The following CATSPERT variants were observed in gnomAD, a reference collection of about 807,000 sequenced individuals.
CATSPERT encodes the protein catsper channel auxiliary subunit tau.
At chr2:201,604,578 T>G in the CATSPERT span, 2 of 1,352,006 alleles carry the variant, frequency 1.5e-6, no homozygotes, top group Non-Finnish European at 2.0e-6. Context: ...AATAAATAAC[T>G]TATACAGGTT....
the CATSPERT span, chr2:201,495,803 A>G: frequency 1.3e-6 from 1 of 793,718 alleles, no homozygotes; most frequent in Non-Finnish European, 1.9e-6. Context: ...GGTGTTTCTA[A>G]TGAGTAGCTT....
At chr2:201,536,528 A>G in the CATSPERT span, among the ~76,000 whole-genome samples, 32 of 151,936 alleles carry the variant, frequency 2.1e-4, no homozygotes, top group Admixed American at 5.9e-4. Flanking sequence ...TATCCATAAA[A>G]ATGATAAAGC....
the CATSPERT span, among the ~76,000 whole-genome samples, chr2:201,570,018 C>T: frequency 6.6e-6 from 1 of 151,906 alleles, no homozygotes; most frequent in East Asian, 1.9e-4. Context: ...CCTGTCTCTA[C>T]AAAAAATACA....
chr2:201,571,847 TA>T, the CATSPERT span: 2 of 1,182,570 alleles, frequency 1.7e-6, no homozygotes, highest in Non-Finnish European at 2.5e-6. Context: ...GGGGACTTCT[TA>T]AAATAACTCC....
chr2:201,495,055 C>G, the CATSPERT span, among the ~76,000 whole-genome samples: 1 of 152,082 alleles, frequency 6.6e-6, no homozygotes, highest in East Asian at 1.9e-4. Context: ...TTTTTAACAA[C>G]GCAATTTCTG....
chr2:201,610,609 C>A, the CATSPERT span, among the ~76,000 whole-genome samples: 1 of 152,178 alleles, frequency 6.6e-6, no homozygotes, highest in African/African-American at 2.4e-5. Flanking sequence ...CTGACACATT[C>A]TTTGAGGCCA....
chr2:201,528,747 G>T, the CATSPERT span, among the ~76,000 whole-genome samples: 2 of 151,878 alleles, frequency 1.3e-5, no homozygotes, highest in Non-Finnish European at 1.5e-5. Context: ...CAGATACCAG[G>T]GCCTACTTGA....
At chr2:201,493,593 T>C in the CATSPERT span, 1 of 1,537,128 alleles carries the variant, frequency 6.5e-7, no homozygotes, top group Non-Finnish European at 8.7e-7. Flanking sequence ...GCAATTCTAT[T>C]TCATCAGCAT....
the CATSPERT span, among the ~76,000 whole-genome samples, chr2:201,618,453 C>G: frequency 6.6e-6 from 1 of 151,020 alleles, no homozygotes; most frequent in African/African-American, 2.4e-5. Context: ...AGCAAACTAT[C>G]GCAAGGACAG....
At chr2:201,570,611 C>T in the CATSPERT span, among the ~76,000 whole-genome samples, 4 of 152,172 alleles carry the variant, frequency 2.6e-5, no homozygotes, top group Middle Eastern at 3.4e-3. Context: ...GTAACTTGCC[C>T]AAGGTCATAT....
the CATSPERT span, among the ~76,000 whole-genome samples, chr2:201,579,316 T>A: frequency 6.6e-6 from 1 of 152,136 alleles, no homozygotes; most frequent in Non-Finnish European, 1.5e-5. Flanking sequence ...CATGGCTCAC[T>A]GCAGCCTCGA....
the CATSPERT span, chr2:201,493,585 A>G: frequency 6.5e-7 from 1 of 1,537,088 alleles, no homozygotes. Flanking sequence ...GGGCTGTGGC[A>G]ATTCTATTTC....
At chr2:201,598,254 C>T in the CATSPERT span, among the ~76,000 whole-genome samples, 5 of 152,074 alleles carry the variant, frequency 3.3e-5, no homozygotes, top group Non-Finnish European at 7.4e-5. Flanking sequence ...GTACATGCCA[C>T]CACACCCAGT....
At chr2:201,610,375 G>A in the CATSPERT span, among the ~76,000 whole-genome samples, 4 of 151,722 alleles carry the variant, frequency 2.6e-5, no homozygotes, top group South Asian at 2.1e-4. Context: ...GGAGAATGGC[G>A]TGAACCTGGG....
chr2:201,573,265 G>A, the CATSPERT span, among the ~76,000 whole-genome samples: 1 of 152,182 alleles, frequency 6.6e-6, no homozygotes, highest in Non-Finnish European at 1.5e-5. Flanking sequence ...GTGGACCTAT[G>A]GTAGTGAATT....
the CATSPERT span, among the ~76,000 whole-genome samples, chr2:201,531,913 A>G: frequency 1.2e-3 from 188 of 152,340 alleles, no homozygotes; most frequent in Non-Finnish European, 2.2e-3. Context: ...TACTGATCAG[A>G]GGAGTGACAT....
the CATSPERT span, chr2:201,603,384 G>C: frequency 1.2e-6 from 1 of 867,846 alleles, no homozygotes; most frequent in African/African-American, 1.7e-5. Context: ...CACGTTGTTG[G>C]TTTTTCTCAT....
At chr2:201,513,142 A>T in the CATSPERT span, among the ~76,000 whole-genome samples, 3 of 151,966 alleles carry the variant, frequency 2.0e-5, no homozygotes, top group Admixed American at 2.0e-4. Flanking sequence ...TCAACAGAGT[A>T]AACAGACAAC....
chr2:201,610,235 A>G, the CATSPERT span, among the ~76,000 whole-genome samples: 2 of 152,266 alleles, frequency 1.3e-5, no homozygotes, highest in East Asian at 3.9e-4. Flanking sequence ...CAGGCAGATC[A>G]TGAGGTCAGG....
Sources: allele counts gnomAD v4.1 joint callset (sites outside exome capture counted in the v4.1 genomes callset), GRCh38; gene constraint gnomAD v4.1.1; transcripts MANE v1.5; gene names NCBI Gene and HGNC (gene_info 2026-07-23, HGNC 2026-07-21).